UFL1: variants seen among roughly 807,000 people sequenced by gnomAD.
UFL1 encodes the protein E3 UFM1-protein ligase 1.
In UFL1, 78 loss-of-function variants were observed where a neutral mutation model predicts 99.3. The observed-to-expected ratio is 0.79, with a 90% CI of 0.65 to 0.95. The LOEUF is 0.95. Ranked by LOEUF, UFL1 falls within the 40% of genes least tolerant of loss-of-function variation. The probability of loss-of-function intolerance (pLI) is 0.00; values close to 1 mark genes in which losing one functional copy is unlikely to be tolerated. For synonymous variants in UFL1, 335 were observed against 322.2 expected, an observed-to-expected ratio of 1.04 and a Z score of -0.42; for missense variants, 936 against 937.0, an observed-to-expected ratio of 1.00 and a Z score of 0.01.
chr6:96,549,669 A>G lies in UFL1; in HGVS notation c.1688A>G (p.Asp563Gly), dbSNP rs1384698115. Reference sequence around the variant, plus strand: ...TTAATAAAGGTCCTTTATTTTCCAGATGACACACAGGCTGCTCTTACCAAA... The same window carrying G: ...TTAATAAAGGTCCTTTATTTTCCAGGTGACACACAGGCTGCTCTTACCAAA... ...LFEKGMKFFA[D>G]DTQAALTKHL... is the part of the protein sequence containing the mutation. The change falls in exon 15 of 19, where the codon GAT (aspartate) becomes GGT (glycine). Residue 563 changes from aspartate to glycine, a missense_variant and splice_region_variant. By Grantham distance (94) the Asp-to-Gly change is moderately conservative. Coordinates refer to ENST00000369278, the MANE Select transcript of UFL1 (RefSeq NM_015323.5). 5 of 1,602,354 alleles carry G rather than the reference A, an allele frequency of 3.1e-6. No individual in the cohort carries two copies. Among genetic ancestry groups the G allele is most frequent in the Non-Finnish European group, 3.4e-6 (4 of 1,175,884 alleles).
chr6:96,551,809 GTAAAT>G (rs1770084998), intron 16 of UFL1, 24 bp from the exon 17 acceptor site: 1 of 1,443,138 alleles, frequency 6.9e-7, no homozygotes, highest in African/African-American at 1.4e-5. Context: ...ATATATAAAA[GTAAAT>G]TATGGTATTC....
intron 10 of UFL1, 99 bp downstream of exon 10, chr6:96,538,909 TTGTA>T: frequency 9.6e-7 from 1 of 1,040,112 alleles, no homozygotes; most frequent in Non-Finnish European, 1.3e-6. Context: ...AGTGAACACT[TTGTA>T]TCATTTATTA....
chr6:96,543,315 A>G (rs767465619), intron 12 of UFL1, among the ~76,000 whole-genome samples: 5 of 151,242 alleles, frequency 3.3e-5, no homozygotes, highest in Non-Finnish European at 7.4e-5. Flanking sequence ...ATCTGTGACA[A>G]TCACACCACT....
At chr6:96,528,424 A>C in intron 5 of UFL1, 78 bp from the exon 6 acceptor site, 1 of 1,502,812 alleles carries the variant, frequency 6.7e-7, no homozygotes, top group South Asian at 1.3e-5. Flanking sequence ...ATGCAGCATG[A>C]CTTGAGTATG....
At chr6:96,549,347 A>C in intron 13 of UFL1, 65 bp from the exon 14 acceptor site, 2 of 1,286,654 alleles carry the variant, frequency 1.6e-6, no homozygotes, top group African/African-American at 3.2e-5. Context: ...ATAGAAACAA[A>C]ATTCCTTATC....
In UFL1 at chr6:96,549,405, T is replaced by A. The variant is rs780369387; in HGVS notation, c.1521-7T>A. On this transcript the variant is annotated splice_polypyrimidine_tract_variant and splice_region_variant and intron_variant, in intron 13 of 18. Transcript: ENST00000369278. ...TAATAAACTAAATATATTTGTCTTA[T>A]GCACAGACCTCTTAATAAAACTTAT... The A allele has an allele frequency of 3.8e-6, 6 of 1,583,924 alleles. No homozygotes were observed. The African/African-American group carries it at 5.5e-5, about 15-fold the overall frequency.
chr6:96,548,184 A>T lies in UFL1; in HGVS notation c.1423A>T (p.Ser475Cys). The change falls in exon 13 of 19, where the codon AGT becomes TGT. Residue 475 changes from serine to cysteine, a missense_variant. Coordinates refer to ENST00000369278, the MANE Select transcript of UFL1 (RefSeq NM_015323.5). ...TATAGGAAAGAAGAAGCCAGAGATC[A>T]GTTTTATGTTCCAGGATGAGATTGA... ...SHTGKKKPEI[S>C]FMFQDEIEDF... 6.3e-7 allele frequency: 1 copy of T among 1,598,726 alleles called. No homozygotes were observed. Among genetic ancestry groups the T allele is most frequent in the Non-Finnish European group, 8.5e-7 (1 of 1,172,190 alleles).
At chr6:96,531,838 A>G (rs772854271) in intron 6 of UFL1, among the ~76,000 whole-genome samples, 6 of 152,156 alleles carry the variant, frequency 3.9e-5, no homozygotes, top group Non-Finnish European at 5.9e-5. Flanking sequence ...ACCATCAAAT[A>G]ATGAGAGGAA....
At position 96,525,282 on chromosome 6, in the gene UFL1, G is replaced by A. The variant is rs1277446957; in HGVS notation, c.253-15G>A. ...TACAAACTAATCATTAATAGATTTT[G>A]TATTTGTTTTCCAGGTAATTAATGT... On this transcript the variant is annotated splice_polypyrimidine_tract_variant and intron_variant, in intron 3 of 18. Coordinates refer to ENST00000369278, the MANE Select transcript of UFL1 (RefSeq NM_015323.5). 4.0e-6 allele frequency: 6 copies of A among 1,509,114 alleles called. No homozygotes were observed. Among genetic ancestry groups the A allele is most frequent in the Non-Finnish European group, 5.5e-6 (6 of 1,093,758 alleles). 93.5% of individuals were successfully genotyped at this position (1,509,114 alleles called of 1,614,324 possible). A position where few individuals can be genotyped will look rare whatever the true frequency, so the allele number is the denominator to read the frequency against.
At chr6:96,551,354 C>A in intron 15 of UFL1, 79 bp from the exon 16 acceptor site, 1 of 749,212 alleles carries the variant, frequency 1.3e-6, no homozygotes, top group Non-Finnish European at 2.2e-6. Flanking sequence ...GAACTTGTTA[C>A]AGTATTTTTT....
intron 6 of UFL1, among the ~76,000 whole-genome samples, chr6:96,530,515 G>A (rs561981045): frequency 6.6e-6 from 1 of 152,136 alleles, no homozygotes; most frequent in African/African-American, 2.4e-5. Flanking sequence ...ATGTTATCCT[G>A]TTCTTCATCA....
intron 15 of UFL1, among the ~76,000 whole-genome samples, chr6:96,550,563 T>G (rs909780003): frequency 1.2e-4 from 19 of 152,108 alleles, no homozygotes; most frequent in African/African-American, 4.6e-4. Flanking sequence ...ATAAGTTGTT[T>G]CCCTGGAATG....
rs773270637 is a variant in UFL1 at position 96,526,436 on chromosome 6, G to A, written c.465+1G>A. ...TCTTCCTGGGAACTTTCTGACACAG[G>A]TATTTTTTTTCCTAATAATACAATG... On this transcript the variant is annotated splice_donor_variant, in intron 5 of 18. Transcript: ENST00000369278. LOFTEE classifies it high-confidence loss of function. 1.1e-5 allele frequency: 17 copies of A among 1,607,894 alleles called. No homozygotes were observed. The Admixed American group carries it at 1.9e-4, about 18-fold the overall frequency.
intron 6 of UFL1, among the ~76,000 whole-genome samples, chr6:96,532,023 T>C (rs1040421026): frequency 3.9e-5 from 6 of 152,288 alleles, no homozygotes; most frequent in Non-Finnish European, 4.4e-5. Context: ...ATATTTTTTG[T>C]TTTTATGGAT....
chr6:96,527,542 T>C (rs1004044819), intron 5 of UFL1, among the ~76,000 whole-genome samples: 1 of 152,164 alleles, frequency 6.6e-6, no homozygotes, highest in Non-Finnish European at 1.5e-5. Context: ...GAAAATGAGC[T>C]TCCCTAATTC....
Position 96,523,184 on chromosome 6 carries a change from T to A in UFL1, c.116T>A (p.Leu39Ter), listed in dbSNP as rs748064010. ...AACTGCATTGAGATTGTTAATAAAT[T>A]GATTGCTCAGAAACAGCTAGAAGTA... The part of the protein sequence containing the change: ...ERNCIEIVNK[L>*]IAQKQLEVVH... Residue 39 changes from leucine (L) to a stop codon, truncating the protein, a stop_gained, in exon 2 of 19, where the codon TTG becomes TAG. Coordinates refer to ENST00000369278, the MANE Select transcript of UFL1 (RefSeq NM_015323.5). LOFTEE classifies it high-confidence loss of function. 6.2e-7 allele frequency: 1 copy of A among 1,612,702 alleles called. No homozygotes were observed. Among genetic ancestry groups the A allele is most frequent in the South Asian group, 1.1e-5 (1 of 90,768 alleles).
intron 12 of UFL1, among the ~76,000 whole-genome samples, 180 bp downstream of exon 12, chr6:96,543,196 G>A (rs938327242): frequency 4.6e-5 from 7 of 151,118 alleles, no homozygotes; most frequent in African/African-American, 1.5e-4. Flanking sequence ...TAACAACACT[G>A]TTTATCTTAA....
intron 12 of UFL1, among the ~76,000 whole-genome samples, chr6:96,544,090 A>G (rs576822113): frequency 6.6e-6 from 1 of 151,170 alleles, no homozygotes. Flanking sequence ...ATGGTCTTCC[A>G]CTGCCATGCA....
chr6:96,549,502 C>T lies in UFL1; in HGVS notation c.1611C>T (p.Ile537=), dbSNP rs770909823. The T allele has an allele frequency of 2.4e-5, 38 of 1,591,700 alleles. 1 individual carries two copies. The South Asian group carries it at 3.8e-4, about 16-fold the overall frequency. The change falls in exon 14 of 19, where the codon ATC becomes ATT. Residue 537 remains isoleucine, a synonymous_variant. Coordinates refer to ENST00000369278, the MANE Select transcript of UFL1 (RefSeq NM_015323.5). ...CTGGGACGGGCAGAAAACGCACAAT[C>T]AAGGACTTGCAAGAAGAAGTTTCAA... ...SASGTGRKRT[I]KDLQEEVSNL...
Sources: gnomAD v4.1 joint callset for allele counts (sites outside exome capture counted in the v4.1 genomes callset) on GRCh38, gnomAD v4.1.1 for gene constraint, MANE v1.5 for transcripts, NCBI Gene and HGNC (gene_info 2026-07-23, HGNC 2026-07-21) for gene names.